Variants in CPNE7 observed in about 807,000 individuals in gnomAD.
CPNE7 encodes the protein copine-7.
In CPNE7, 78 loss-of-function variants were observed where a neutral mutation model predicts 66.5. The ratio of observed to expected loss-of-function variants is 1.17; its 90% CI spans 0.98 to 1.42. The LOEUF is 1.42. CPNE7 is among the 40% of genes most tolerant of loss of function. The probability of loss-of-function intolerance (pLI) is 0.00; values close to 1 mark genes in which losing one functional copy is unlikely to be tolerated. For missense variants in CPNE7, 1,012 were observed against 776.6 expected, an observed-to-expected ratio of 1.30 and a Z score of -3.60; for synonymous variants, 468 against 336.7, an observed-to-expected ratio of 1.39 and a Z score of -4.27.
At position 89,596,773 on chromosome 16, in the gene CPNE7, G is replaced by C; in HGVS notation, c.*152G>C. The C allele has an allele frequency of 9.3e-7, 1 of 1,071,086 alleles. No individual in the cohort carries two copies. Among genetic ancestry groups the C allele is most frequent in the Non-Finnish European group, 1.2e-6 (1 of 803,416 alleles). The allele number at this position is 1,071,086 out of a possible 1,614,324, so 66.3% of individuals were successfully genotyped here. The stretch of plus-strand genomic sequence containing the variant: ...TCCCAGTCCTCCTGGGATCCTGCTG[G>C]CTTGGGCCCGGCTCTGGGGCCCCCA... On this transcript the variant is annotated 3_prime_UTR_variant, in exon 15 of 15. Transcript: ENST00000319518.
chr16:89,588,509 C>T (rs1480393735), intron 9 of CPNE7, among the ~76,000 whole-genome samples, 166 bp from the exon 10 acceptor site: 2 of 152,124 alleles, frequency 1.3e-5, no homozygotes, highest in Non-Finnish European at 1.5e-5. Flanking sequence ...CTCTCCTGGC[C>T]CTGTGTAGCA....
chr16:89,579,222 G>A (rs2058908201), intron 2 of CPNE7, among the ~76,000 whole-genome samples: 1 of 151,894 alleles, frequency 6.6e-6, no homozygotes, highest in Non-Finnish European at 1.5e-5. Context: ...AACCTGGGAG[G>A]CAGAGGTTTC....
chr16:89,579,994 C>T (rs1262646611), intron 2 of CPNE7, among the ~76,000 whole-genome samples: 1 of 50,690 alleles, frequency 2.0e-5, no homozygotes, highest in East Asian at 3.7e-4. Context: ...TCCCATCACA[C>T]GGAACATCTC....
intron 6 of CPNE7, 29 bp from the exon 7 acceptor site, chr16:89,585,658 G>A: frequency 6.4e-7 from 1 of 1,552,628 alleles, no homozygotes; most frequent in Non-Finnish European, 8.7e-7. Flanking sequence ...CCCCCAGACA[G>A]CAGTGCTGAG....
intron 10 of CPNE7, among the ~76,000 whole-genome samples, chr16:89,589,012 C>T (rs1158247926): frequency 6.6e-6 from 1 of 152,204 alleles, no homozygotes; most frequent in Non-Finnish European, 1.5e-5. Context: ...CTGTGAGGGG[C>T]CGGGCGCGGT....
chr16:89,590,043 C>T, intron 11 of CPNE7, 92 bp downstream of exon 11: 1 of 1,415,094 alleles, frequency 7.1e-7, no homozygotes, highest in South Asian at 1.2e-5. Context: ...CCCTGGCTGC[C>T]TGCTGGGAAC....
chr16:89,584,019 C>T lies in CPNE7; in HGVS notation c.433-9C>T. On this transcript the variant is annotated splice_polypyrimidine_tract_variant and intron_variant, in intron 3 of 14. Coordinates refer to ENST00000319518, the MANE Select transcript of CPNE7 (RefSeq NM_153636.3). The surrounding 1 kb of genome is among the most constrained non-coding windows in gnomAD (Gnocchi z 6.0). ...GGCCAAGCCTGGAGCCCGGGCGTCC[C>T]CCTGCCAGGTGATCGCCGAGGACAT... 2 of 1,611,778 alleles carry T rather than the reference C, an allele frequency of 1.2e-6. No homozygotes were observed. Among genetic ancestry groups the T allele is most frequent in the South Asian group, 2.2e-5 (2 of 91,040 alleles).
In CPNE7 at chr16:89,584,061, T is replaced by C. The variant is rs1464330230; in HGVS notation, c.466T>C (p.Tyr156His). The C allele has an allele frequency of 2.5e-6, 4 of 1,612,080 alleles. No individual in the cohort carries two copies. The highest frequency in any genetic ancestry group is 1.7e-5 in the Admixed American group (1 of 59,858). Residue 156 changes from tyrosine to histidine, a missense_variant, in exon 4 of 15, where the codon TAC becomes CAC. Physicochemically the swap from Tyr to His is moderately conservative, Grantham distance 83. Coordinates refer to ENST00000319518, the MANE Select transcript of CPNE7 (RefSeq NM_153636.3). This position sits in a 1 kb window ranked among gnomAD's most constrained non-coding sequence, Gnocchi z 6.0. Reference protein sequence around the residue: ...IAEDISGNNGYVELSFRARKL... With the variant: ...IAEDISGNNGHVELSFRARKL... ...CGAGGACATCTCGGGGAACAACGGC[T>C]ACGTGGAGCTCTCCTTCCGGGCCAG...
chr16:89,576,110 CG>C, intron 1 of CPNE7, 39 bp downstream of exon 1: 3 of 1,237,798 alleles, frequency 2.4e-6, no homozygotes, highest in Non-Finnish European at 3.0e-6. Flanking sequence ...GCCACCGGGC[CG>C]GGGCTGGCGC....
intron 13 of CPNE7, chr16:89,594,189 T>G (rs1183168704): frequency 5.7e-5 from 3 of 52,460 alleles, no homozygotes; most frequent in Non-Finnish European, 1.1e-4. Flanking sequence ...CTCGCACAGT[T>G]GGCAGAGGGG....
intron 13 of CPNE7, chr16:89,594,276 C>T (rs1344566276): frequency 1.3e-5 from 2 of 152,186 alleles, no homozygotes; most frequent in Non-Finnish European, 2.9e-5. Flanking sequence ...GGCCGAGAGC[C>T]AGGCTGGGCA....
At chr16:89,583,627 C>G in intron 2 of CPNE7, 70 bp from the exon 3 acceptor site, 1 of 1,605,600 alleles carries the variant, frequency 6.2e-7, no homozygotes, top group Non-Finnish European at 8.5e-7. Flanking sequence ...CGGGTGAGGG[C>G]GCGGTGGGGT....
At chr16:89,585,237 A>G (rs1339080752) in intron 5 of CPNE7, among the ~76,000 whole-genome samples, 10 of 152,218 alleles carry the variant, frequency 6.6e-5, no homozygotes, top group South Asian at 2.1e-4. Flanking sequence ...GGCAGAAGTT[A>G]CGAAGGTGGA....
At chr16:89,589,839 C>A in intron 10 of CPNE7, 58 bp from the exon 11 acceptor site, 1 of 1,590,326 alleles carries the variant, frequency 6.3e-7, no homozygotes, top group Non-Finnish European at 8.6e-7. Flanking sequence ...CTAGAAGTGG[C>A]CCCTGTTGCA....
intron 14 of CPNE7, among the ~76,000 whole-genome samples, 165 bp from the exon 15 acceptor site, chr16:89,596,319 C>A (rs770426634): frequency 6.6e-6 from 1 of 152,166 alleles, no homozygotes; most frequent in Non-Finnish European, 1.5e-5. Context: ...CTCATGTGGC[C>A]GACATCCTCA....
In CPNE7 at chr16:89,588,757, A is replaced by G. The variant is rs1421523583; in HGVS notation, c.1010A>G (p.Glu337Gly). The G allele has an allele frequency of 6.2e-7, 1 of 1,613,752 alleles. No individual in the cohort carries two copies. ...TACATCAACCCCTACCAGCCGAACG[A>G]GTACCTGAAGGCACTGGTGTCCGTG... is the stretch of plus-strand genomic sequence containing the variant. ...LHYINPYQPN[E>G]YLKALVSVGE... is the part of the protein sequence containing the mutation. Residue 337 changes from glutamate (E) to glycine (G), a missense_variant, in exon 10 of 15, where the codon GAG becomes GGG. By Grantham distance (98) the Glu-to-Gly change is moderately conservative. Coordinates refer to ENST00000319518, the MANE Select transcript of CPNE7 (RefSeq NM_153636.3).
At chr16:89,588,653 C>G (rs1321627174) in intron 9 of CPNE7, 22 bp from the exon 10 acceptor site, 4 of 1,612,508 alleles carry the variant, frequency 2.5e-6, no homozygotes, top group African/African-American at 1.3e-5. Flanking sequence ...CAGCACAGCT[C>G]CTGGCTCCCG....
In CPNE7 at chr16:89,584,692, C is replaced by A; in HGVS notation, c.508-82C>A. ...TTAGCGGCTGGTGGCATGAAGTGAG[C>A]CCTGGGAAACGACAAAGCCAGCTCC... On this transcript the variant is annotated intron_variant, in intron 4 of 14. Transcript: ENST00000319518. This position sits in a 1 kb window ranked among gnomAD's most constrained non-coding sequence, Gnocchi z 6.0. 2 of 1,020,538 alleles carry A rather than the reference C, an allele frequency of 2.0e-6. No individual in the cohort carries two copies. Among genetic ancestry groups the A allele is most frequent in the Non-Finnish European group, 3.0e-6 (2 of 665,582 alleles). 63.2% of individuals were successfully genotyped at this position (1,020,538 alleles called of 1,614,324 possible).
chr16:89,596,670 C>T lies in CPNE7; in HGVS notation c.*49C>T, dbSNP rs1187492986. On this transcript the variant is annotated 3_prime_UTR_variant, in exon 15 of 15. Coordinates refer to ENST00000319518, the MANE Select transcript of CPNE7 (RefSeq NM_153636.3). Reference sequence around the variant, plus strand: ...GGCAGTGAGGAATGGGTCCGTACAGCCTCTGTCTGCAACATGCTTGGGGTC... The same window carrying T: ...GGCAGTGAGGAATGGGTCCGTACAGTCTCTGTCTGCAACATGCTTGGGGTC... 2 of 1,503,058 alleles carry T rather than the reference C, an allele frequency of 1.3e-6. No individual in the cohort carries two copies. Among genetic ancestry groups the T allele is most frequent in the East Asian group, 2.4e-5 (1 of 41,244 alleles). 93.1% of individuals were successfully genotyped at this position (1,503,058 alleles called of 1,614,324 possible). A position where few individuals can be genotyped will look rare whatever the true frequency, so the allele number is the denominator to read the frequency against.
Sources: allele counts gnomAD v4.1 joint callset (sites outside exome capture counted in the v4.1 genomes callset), GRCh38; gene constraint gnomAD v4.1.1; non-coding constraint Gnocchi (gnomAD v3.1); transcripts MANE v1.5; gene names NCBI Gene and HGNC (gene_info 2026-07-23, HGNC 2026-07-21).